NEGR1: variants seen among roughly 807,000 people sequenced by gnomAD.
NEGR1 encodes IgLON family member 4.
A neutral mutation model predicts 40.9 loss-of-function variants in NEGR1; 10 were observed. The ratio of observed to expected loss-of-function variants is 0.24; its 90% CI spans 0.15 to 0.42. The LOEUF is 0.42. NEGR1 is among the 10% of genes least tolerant of loss of function. NEGR1 has a pLI of 1.00. For synonymous variants in NEGR1, 185 were observed against 166.8 expected (o/e 1.11, Z -0.84); for missense variants, 352 against 438.9 (o/e 0.80, Z 1.77).
intron 1 of NEGR1, among the ~76,000 whole-genome samples, chr1:71,947,945 A>T (rs1340817815): frequency 6.6e-6 from 1 of 152,146 alleles, no homozygotes; most frequent in African/African-American, 2.4e-5. Flanking sequence ...GTATTTCTCC[A>T]CTTCTAATCT....
chr1:72,256,793 T>C (rs1213340715), intron 1 of NEGR1, among the ~76,000 whole-genome samples: 1 of 152,174 alleles, frequency 6.6e-6, no homozygotes, highest in East Asian at 1.9e-4. Flanking sequence ...AAAAATGGAA[T>C]GTGCATATAA....
chr1:71,443,062 C>T (rs1646558469), intron 6 of NEGR1, among the ~76,000 whole-genome samples: 1 of 152,160 alleles, frequency 6.6e-6, no homozygotes, highest in Non-Finnish European at 1.5e-5. Flanking sequence ...CACCTTGAAC[C>T]TTCTGGTCAA....
intron 1 of NEGR1, among the ~76,000 whole-genome samples, chr1:72,264,515 A>G (rs1009056728): frequency 7.0e-6 from 1 of 142,836 alleles, no homozygotes; most frequent in Non-Finnish European, 1.6e-5. Context: ...TTTAAGTTTT[A>G]AATATAGAAA....
At chr1:72,138,698 G>A (rs1650560738) in intron 1 of NEGR1, among the ~76,000 whole-genome samples, 2 of 151,886 alleles carry the variant, frequency 1.3e-5, no homozygotes, top group African/African-American at 2.4e-5. Flanking sequence ...GTTTCACTTA[G>A]GAACAAATGT....
chr1:72,006,912 G>A (rs1646612770), intron 1 of NEGR1, among the ~76,000 whole-genome samples: 1 of 152,096 alleles, frequency 6.6e-6, no homozygotes, highest in African/African-American at 2.4e-5. Context: ...ATTTTGATGA[G>A]GGTGTAAAGT....
chr1:71,473,348 T>C (rs956256429), intron 6 of NEGR1, among the ~76,000 whole-genome samples: 85 of 152,188 alleles, frequency 5.6e-4, no homozygotes, highest in Middle Eastern at 3.4e-3. Flanking sequence ...TGACAGCAAA[T>C]TTCTCATTAG....
At chr1:71,981,383 C>T (rs1350534380) in intron 1 of NEGR1, among the ~76,000 whole-genome samples, 1 of 152,090 alleles carries the variant, frequency 6.6e-6, no homozygotes, top group Non-Finnish European at 1.5e-5. Context: ...AAGCCTCCTT[C>T]TAAGGAAGAC....
At chr1:71,592,578 C>G (rs1210476921) in intron 6 of NEGR1, among the ~76,000 whole-genome samples, 1 of 152,134 alleles carries the variant, frequency 6.6e-6, no homozygotes, top group Non-Finnish European at 1.5e-5. Flanking sequence ...TTTTTCCTTT[C>G]TCAGCTCTAA....
intron 4 of NEGR1, among the ~76,000 whole-genome samples, chr1:71,679,972 T>C (rs922512002): frequency 6.6e-6 from 1 of 152,046 alleles, no homozygotes; most frequent in African/African-American, 2.4e-5. Flanking sequence ...ATTGTACTCC[T>C]AAGTTAAAAT....
At chr1:72,147,166 AT>A (rs1324666072) in intron 1 of NEGR1, among the ~76,000 whole-genome samples, 1 of 152,162 alleles carries the variant, frequency 6.6e-6, no homozygotes, top group African/African-American at 2.4e-5. Context: ...AAAAATTTAG[AT>A]GTATATGTGT....
intron 6 of NEGR1, among the ~76,000 whole-genome samples, chr1:71,440,391 T>A (rs538460876): frequency 1.3e-5 from 2 of 152,354 alleles, no homozygotes; most frequent in East Asian, 3.9e-4. Flanking sequence ...ATTTGATGAA[T>A]ATGGTTTTAT....
chr1:72,142,572 T>TAGAC (rs1347378295), intron 1 of NEGR1, among the ~76,000 whole-genome samples: 4 of 144,644 alleles, frequency 2.8e-5, no homozygotes, highest in Non-Finnish European at 6.2e-5. Context: ...GATAGACAGA[T>TAGAC]AGTGATAGAA....
chr1:71,979,383 A>T (rs2100335616), intron 1 of NEGR1, among the ~76,000 whole-genome samples: 1 of 152,290 alleles, frequency 6.6e-6, no homozygotes, highest in East Asian at 1.9e-4. Flanking sequence ...AAAAATAAGA[A>T]GAAAAAGTAA....
chr1:72,166,959 G>T (rs1440125863), intron 1 of NEGR1, among the ~76,000 whole-genome samples: 2 of 152,032 alleles, frequency 1.3e-5, no homozygotes, highest in Non-Finnish European at 2.9e-5. Flanking sequence ...TGATTGAAGT[G>T]ACAGACTCCT....
intron 2 of NEGR1, among the ~76,000 whole-genome samples, chr1:71,805,810 G>A (rs1412664632): frequency 6.6e-6 from 1 of 152,046 alleles, no homozygotes; most frequent in Non-Finnish European, 1.5e-5. Context: ...CTCAGTAATA[G>A]GCAGAAGAAA....
chr1:72,020,627 C>T (rs1022826062), intron 1 of NEGR1, among the ~76,000 whole-genome samples: 7 of 151,964 alleles, frequency 4.6e-5, no homozygotes, highest in Admixed American at 2.0e-4. Flanking sequence ...AAATTCTAAA[C>T]AAAATCCATC....
chr1:71,597,472 C>CTGTGTGTGTGTGTGTGTGTGTG (rs1553152644), intron 5 of NEGR1, among the ~76,000 whole-genome samples: 20 of 31,330 alleles, frequency 6.4e-4, no homozygotes, highest in African/African-American at 1.9e-3. Flanking sequence ...CTCTCTCTCT[C>CTGTGTGTGTGTGTGTGTGTGTG]TGTGTGTGTG....
chr1:71,732,225 T>C (rs1232733880), intron 3 of NEGR1, among the ~76,000 whole-genome samples: 3 of 152,004 alleles, frequency 2.0e-5, no homozygotes, highest in South Asian at 2.1e-4. Flanking sequence ...GGAGAATCGC[T>C]TGGGTCCGAG....
chr1:72,172,687 T>C (rs910937448), intron 1 of NEGR1, among the ~76,000 whole-genome samples: 1 of 152,174 alleles, frequency 6.6e-6, no homozygotes, highest in Non-Finnish European at 1.5e-5. Context: ...AGTTATGAAG[T>C]CACAAGTCTG....
Sources: allele counts gnomAD v4.1 joint callset (sites outside exome capture counted in the v4.1 genomes callset), GRCh38; gene constraint gnomAD v4.1.1; transcripts MANE v1.5; gene names NCBI Gene and HGNC (gene_info 2026-07-23, HGNC 2026-07-21).